The following NR2F1-AS1 variants were observed in gnomAD, a reference collection of about 807,000 sequenced individuals.
The protein encoded by NR2F1-AS1 is NR2F1 antisense RNA 1.
intron 4 of NR2F1-AS1, among the ~76,000 whole-genome samples, chr5:93,499,793 G>A (rs997557351): frequency 6.6e-6 from 1 of 152,190 alleles, no homozygotes; most frequent in Non-Finnish European, 1.5e-5. Context: ...AATTAAAAGT[G>A]CTACTCCTGT....
At chr5:93,582,640 T>C (rs1753130699), upstream of NR2F1-AS1, among the ~76,000 whole-genome samples, 1 of 152,214 alleles carries the variant, frequency 6.6e-6, no homozygotes, top group Non-Finnish European at 1.5e-5. Flanking sequence ...TGACACTCTC[T>C]TCACGCTCAT....
chr5:93,516,002 T>C (rs1036515093), intron 4 of NR2F1-AS1, among the ~76,000 whole-genome samples: 2 of 151,904 alleles, frequency 1.3e-5, no homozygotes, highest in Non-Finnish European at 2.9e-5. Flanking sequence ...CAAGTTTTCA[T>C]AGTTAATATG....
chr5:93,419,510 G>A (rs1749041886), intron 4 of NR2F1-AS1, among the ~76,000 whole-genome samples: 1 of 152,152 alleles, frequency 6.6e-6, no homozygotes, highest in Admixed American at 6.5e-5. Context: ...AGTGTGTGAA[G>A]ACAGTGCCTG....
At chr5:93,451,618 G>C (rs1749832397) in intron 4 of NR2F1-AS1, among the ~76,000 whole-genome samples, 1 of 151,970 alleles carries the variant, frequency 6.6e-6, no homozygotes. Flanking sequence ...ACCTAGACTG[G>C]TCTCCAACTC....
chr5:93,459,032 A>G (rs761692075), intron 4 of NR2F1-AS1, among the ~76,000 whole-genome samples: 1 of 152,070 alleles, frequency 6.6e-6, no homozygotes, highest in Non-Finnish European at 1.5e-5. Flanking sequence ...AAAAAAGAAA[A>G]TAAAAAGGCA....
intron 4 of NR2F1-AS1, among the ~76,000 whole-genome samples, chr5:93,531,602 C>T (rs1751737702): frequency 6.6e-6 from 1 of 152,194 alleles, no homozygotes; most frequent in Non-Finnish European, 1.5e-5. Context: ...ATGACTCATA[C>T]TTTGTTTTTG....
chr5:93,547,810 C>G (rs75142141), intron 4 of NR2F1-AS1, among the ~76,000 whole-genome samples: 1 of 152,046 alleles, frequency 6.6e-6, no homozygotes, highest in Non-Finnish European at 1.5e-5. Context: ...TGTTAACATA[C>G]AAAACTAGAA....
rs1750038387 is a variant in NR2F1-AS1 at position 93,459,305 on chromosome 5, A to C, written n.639-63763T>G. Among the ~76,000 whole-genome samples, 8 of 152,286 alleles carry C rather than the reference A, an allele frequency of 5.3e-5. No homozygotes were observed. The South Asian group carries it at 1.7e-3, about 32-fold the overall frequency. On this transcript the variant is annotated intron_variant and non_coding_transcript_variant, in intron 4 of 5. Coordinates refer to ENST00000660523, the Ensembl canonical transcript of NR2F1-AS1. ...TTTATCCAAAAAAGAGATATACAAG[A>C]AAATAAGCGCATGAAAACATGCTCA... is the stretch of plus-strand genomic sequence containing the variant.
chr5:93,566,239 T>C (rs1294439071), intron 1 of NR2F1-AS1, among the ~76,000 whole-genome samples: 1 of 152,022 alleles, frequency 6.6e-6, no homozygotes, highest in Non-Finnish European at 1.5e-5. Flanking sequence ...ATCATTATGA[T>C]GTAGATATAT....
At chr5:93,429,632 C>A (rs979743061) in intron 4 of NR2F1-AS1, among the ~76,000 whole-genome samples, 2 of 152,298 alleles carry the variant, frequency 1.3e-5, no homozygotes, top group Middle Eastern at 3.4e-3. Context: ...ATATCTTAAT[C>A]AGTGGCTATA....
chr5:93,516,570 A>G (rs905287799), intron 4 of NR2F1-AS1, among the ~76,000 whole-genome samples: 2 of 152,022 alleles, frequency 1.3e-5, no homozygotes, highest in East Asian at 1.9e-4. Context: ...TATAAGTTAT[A>G]TAAGTAAGTA....
intron 4 of NR2F1-AS1, among the ~76,000 whole-genome samples, chr5:93,498,126 C>T (rs1257895551): frequency 1.3e-5 from 2 of 151,956 alleles, no homozygotes; most frequent in East Asian, 3.9e-4. Flanking sequence ...GAATTTGAGA[C>T]CAGCCTGGGC....
chr5:93,543,589 A>T (rs1752006609), intron 4 of NR2F1-AS1: 1 of 152,218 alleles, frequency 6.6e-6, no homozygotes. Flanking sequence ...CATGCATGAA[A>T]TGGTGAGAAA....
intron 4 of NR2F1-AS1, among the ~76,000 whole-genome samples, chr5:93,494,682 A>T (rs1750922484): frequency 6.6e-6 from 1 of 152,190 alleles, no homozygotes; most frequent in Admixed American, 6.5e-5. Flanking sequence ...TAGGCACGTA[A>T]AATGGTGCAG....
chr5:93,426,555 A>G (rs1749199637), intron 4 of NR2F1-AS1, among the ~76,000 whole-genome samples: 1 of 152,190 alleles, frequency 6.6e-6, no homozygotes, highest in Non-Finnish European at 1.5e-5. Flanking sequence ...CTGACAATTC[A>G]TTTTGTGCAT....
chr5:93,570,511 C>G (rs1030276859), intron 1 of NR2F1-AS1: 1 of 152,270 alleles, frequency 6.6e-6, no homozygotes, highest in Non-Finnish European at 1.5e-5. Flanking sequence ...CCCTGGGGAC[C>G]ATTACTAAGA....
At chr5:93,528,235 C>T (rs990385530) in intron 4 of NR2F1-AS1, among the ~76,000 whole-genome samples, 15 of 152,072 alleles carry the variant, frequency 9.9e-5, no homozygotes, top group Non-Finnish European at 2.2e-4. Flanking sequence ...ATGCAGCCAA[C>T]CAACCTATGA....
At chr5:93,492,820 T>G (rs1001245856) in intron 4 of NR2F1-AS1, among the ~76,000 whole-genome samples, 1 of 151,714 alleles carries the variant, frequency 6.6e-6, no homozygotes, top group African/African-American at 2.4e-5. Context: ...AAGGAGTATT[T>G]GACAAAATTC....
chr5:93,509,465 C>A (rs1418406174), intron 4 of NR2F1-AS1, among the ~76,000 whole-genome samples: 1 of 151,924 alleles, frequency 6.6e-6, no homozygotes, highest in Non-Finnish European at 1.5e-5. Context: ...AGATACCATA[C>A]TGGTAGAGCA....
Sources: gnomAD v4.1 joint callset for allele counts (sites outside exome capture counted in the v4.1 genomes callset) on GRCh38, gnomAD v4.1.1 for gene constraint, MANE v1.5 for transcripts, NCBI Gene and HGNC (gene_info 2026-07-23, HGNC 2026-07-21) for gene names.